GRID2: variants seen among roughly 807,000 people sequenced by gnomAD.
GRID2 encodes the protein glutamate receptor ionotropic, delta-2.
GRID2 carries 33 observed loss-of-function variants against 114.8 expected under a neutral mutation model. The ratio of observed to expected loss-of-function variants is 0.29; its 90% confidence interval spans 0.22 to 0.38. The LOEUF (loss-of-function observed/expected upper bound fraction) is 0.38. GRID2 is among the 10% of genes least tolerant of loss of function. GRID2 has a pLI of 1.00. For missense variants in GRID2, 1,184 were observed against 1,257.7 expected, an observed-to-expected ratio of 0.94 and a Z score of 0.89; for synonymous variants, 505 against 449.9, an observed-to-expected ratio of 1.12 and a Z score of -1.55.
intron 2 of GRID2, among the ~76,000 whole-genome samples, chr4:92,772,967 A>G (rs1385569351): frequency 1.3e-5 from 2 of 152,180 alleles, no homozygotes; most frequent in South Asian, 2.1e-4. Context: ...GATATTTTAC[A>G]TGCTCTGTCA....
chr4:93,775,989 G>A (rs1734361847), downstream of GRID2, among the ~76,000 whole-genome samples: 1 of 152,120 alleles, frequency 6.6e-6, no homozygotes, highest in Non-Finnish European at 1.5e-5. Flanking sequence ...ATACTTCTAA[G>A]ACACACAATT....
At chr4:93,290,533 T>C (rs1482729353) in intron 8 of GRID2, among the ~76,000 whole-genome samples, 2 of 152,204 alleles carry the variant, frequency 1.3e-5, no homozygotes, top group African/African-American at 4.8e-5. Flanking sequence ...TTTGGCTTTG[T>C]TCTTATATTT....
chr4:93,360,778 T>TC (rs1439003660), intron 8 of GRID2, among the ~76,000 whole-genome samples: 1 of 151,904 alleles, frequency 6.6e-6, no homozygotes, highest in Non-Finnish European at 1.5e-5. Context: ...ATGATATTTT[T>TC]CATATACTTA....
At chr4:92,534,312 T>C (rs1725499995) in intron 1 of GRID2, among the ~76,000 whole-genome samples, 1 of 152,166 alleles carries the variant, frequency 6.6e-6, no homozygotes, top group Admixed American at 6.5e-5. Context: ...TGGATGATAT[T>C]TTGCTGTTGT....
At chr4:93,128,917 T>C (rs958333855) in intron 4 of GRID2, among the ~76,000 whole-genome samples, 3 of 152,224 alleles carry the variant, frequency 2.0e-5, no homozygotes, top group African/African-American at 7.2e-5. Flanking sequence ...TTTTGGGAAT[T>C]GCAAACCTCA....
intron 4 of GRID2, among the ~76,000 whole-genome samples, chr4:93,131,966 T>G (rs1224404241): frequency 6.6e-6 from 1 of 152,208 alleles, no homozygotes; most frequent in East Asian, 1.9e-4. Context: ...GATCTGATTT[T>G]AGGAACTTGT....
At chr4:92,646,537 A>G (rs1307158589) in intron 2 of GRID2, among the ~76,000 whole-genome samples, 1 of 152,196 alleles carries the variant, frequency 6.6e-6, no homozygotes, top group Non-Finnish European at 1.5e-5. Flanking sequence ...TAGAAATGCT[A>G]TAGTTTTAGC....
chr4:93,081,026 A>C (rs1334501078), intron 2 of GRID2, among the ~76,000 whole-genome samples: 1 of 152,138 alleles, frequency 6.6e-6, no homozygotes, highest in Non-Finnish European at 1.5e-5. Flanking sequence ...TGCCCCCATG[A>C]CCCAAACACA....
chr4:92,444,093 A>G (rs1733297356), intron 1 of GRID2, among the ~76,000 whole-genome samples: 2 of 152,214 alleles, frequency 1.3e-5, no homozygotes, highest in South Asian at 2.1e-4. Context: ...TGGGCTGGTC[A>G]GTCTGAGGAC....
At chr4:93,588,553 C>A (rs908750425) in intron 13 of GRID2, among the ~76,000 whole-genome samples, 16 of 152,112 alleles carry the variant, frequency 1.1e-4, no homozygotes, top group African/African-American at 3.9e-4. Context: ...CATCAAATCT[C>A]AGTATTATTG....
rs1389224021 is a variant in GRID2 at position 93,787,770 on chromosome 4, T to G, written c.221+18320T>G. ...TGAATTATTGAATGGAACGATTGAT[T>G]AACAATGACCATTATGGTGCGGTCA... On this transcript the variant is annotated intron_variant, in intron 1 of 1. Coordinates refer to the GRID2 transcript ENST00000637838. Among the ~76,000 whole-genome samples the G allele has an allele frequency of 2.0e-5, 3 of 152,224 alleles. No homozygotes were observed. The East Asian group carries it at 5.8e-4, about 29-fold the overall frequency.
At chr4:93,249,310 C>T (rs1748565561) in intron 8 of GRID2, among the ~76,000 whole-genome samples, 1 of 152,086 alleles carries the variant, frequency 6.6e-6, no homozygotes, top group African/African-American at 2.4e-5. Context: ...TAGCAAGATG[C>T]CTCCAGCTTT....
At chr4:93,185,879 A>G (rs1335950683) in intron 4 of GRID2, among the ~76,000 whole-genome samples, 2 of 152,056 alleles carry the variant, frequency 1.3e-5, no homozygotes, top group Admixed American at 6.6e-5. Context: ...CATTTATTCT[A>G]ATGCTATCCC....
chr4:93,104,650 T>C (rs969978027), intron 3 of GRID2, among the ~76,000 whole-genome samples: 73 of 152,238 alleles, frequency 4.8e-4, no homozygotes, highest in East Asian at 9.6e-4. Context: ...TCATTTTTTA[T>C]GGCTGCATAG....
intron 8 of GRID2, among the ~76,000 whole-genome samples, chr4:93,325,201 G>C (rs1353081433): frequency 6.6e-6 from 1 of 152,106 alleles, no homozygotes; most frequent in Non-Finnish European, 1.5e-5. Context: ...TCTACACACT[G>C]CTTTAAGTGT....
At chr4:92,665,605 G>A (rs1432067724) in intron 2 of GRID2, among the ~76,000 whole-genome samples, 1 of 150,832 alleles carries the variant, frequency 6.6e-6, no homozygotes, top group East Asian at 1.9e-4. Flanking sequence ...TTCTTTCAGG[G>A]CCAATCTAGT....
At chr4:93,490,966 A>G (rs1726941131) in intron 12 of GRID2, among the ~76,000 whole-genome samples, 189 bp downstream of exon 12, 1 of 151,918 alleles carries the variant, frequency 6.6e-6, no homozygotes, top group South Asian at 2.1e-4. Flanking sequence ...TTGGTAGAGC[A>G]TTTTTTATAA....
At chr4:92,641,650 T>G (rs1731359011) in intron 2 of GRID2, among the ~76,000 whole-genome samples, 1 of 151,660 alleles carries the variant, frequency 6.6e-6, no homozygotes, top group African/African-American at 2.4e-5. Context: ...ATGCTTGAAG[T>G]GTCCTAAAAT....
At position 93,772,586 on chromosome 4, in the gene GRID2, C is replaced by G; in HGVS notation, c.*88C>G. 1 of 921,292 alleles carries G rather than the reference C, an allele frequency of 1.1e-6. No individual in the cohort carries two copies. The highest frequency in any genetic ancestry group is 1.6e-6 in the Non-Finnish European group (1 of 610,512). 57.1% of individuals were successfully genotyped at this position (921,292 alleles called of 1,614,324 possible). On this transcript the variant is annotated 3_prime_UTR_variant, in exon 16 of 16. Transcript: ENST00000282020. The stretch of plus-strand genomic sequence containing the variant: ...TATTGTGGGACTAACATGGATGTAA[C>G]GTTTAAAAAAAAGATCAGGATTATT...
Sources: gnomAD v4.1 joint callset for allele counts (sites outside exome capture counted in the v4.1 genomes callset) on GRCh38, gnomAD v4.1.1 for gene constraint, MANE v1.5 for transcripts, NCBI Gene and HGNC (gene_info 2026-07-23, HGNC 2026-07-21) for gene names.